Variants in CELF2 observed in about 807,000 individuals in gnomAD.
The protein encoded by CELF2 is CUGBP Elav-like family member 2.
In CELF2, 8 loss-of-function variants were observed where a neutral mutation model predicts 62.6. The ratio of observed to expected loss-of-function variants is 0.13; its 90% CI spans 0.07 to 0.23. CELF2 has a LOEUF of 0.23. Ranked by LOEUF, CELF2 falls within the 10% of genes least tolerant of loss-of-function variation. The pLI is 1.00. For missense variants in CELF2, 333 were observed against 671.0 expected, an observed-to-expected ratio of 0.50 and a Z score of 5.56; for synonymous variants, 258 against 250.0, an observed-to-expected ratio of 1.03 and a Z score of -0.30.
intron 12 of CELF2, 118 bp downstream of exon 12, chr10:11,326,097 C>A: frequency 9.8e-7 from 1 of 1,017,968 alleles, no homozygotes; most frequent in Non-Finnish European, 1.4e-6. Context: ...GTGTTGGGCT[C>A]TGATTTTCTG....
chr10:10,659,158 T>G, the CELF2 span, among the ~76,000 whole-genome samples: 1 of 152,290 alleles, frequency 6.6e-6, no homozygotes, highest in South Asian at 2.1e-4. Flanking sequence ...CTGATAATAG[T>G]GGTTTTTGCT....
chr10:10,694,265 G>A, the CELF2 span, among the ~76,000 whole-genome samples: 16 of 151,818 alleles, frequency 1.1e-4, no homozygotes, highest in South Asian at 4.2e-4. Flanking sequence ...TCATTTCGTT[G>A]TGTACCCAGT....
chr10:11,161,084 T>C (rs1554886118), intron 1 of CELF2, among the ~76,000 whole-genome samples: 2 of 152,258 alleles, frequency 1.3e-5, no homozygotes, highest in Non-Finnish European at 2.9e-5. Flanking sequence ...ATTTTGCATA[T>C]ACTCTGTTGA....
At position 11,329,087 on chromosome 10, in the gene CELF2, G is replaced by C. The variant is rs2095909086; in HGVS notation, c.*34G>C. On this transcript the variant is annotated 3_prime_UTR_variant, in exon 13 of 13. Transcript: ENST00000633077. This position sits in a 1 kb window ranked among gnomAD's most constrained non-coding sequence, Gnocchi z 5.5. ...CCAGAGGCTCCCTGCTCTCATTTTA[G>C]CTTTCTTAGGGTAAGTCCCACGAGC... The C allele has an allele frequency of 1.3e-6, 2 of 1,587,976 alleles. No individual in the cohort carries two copies. The highest frequency in any genetic ancestry group is 2.7e-5 in the African/African-American group (2 of 74,214).
At chr10:10,532,279 A>C in the CELF2 span, among the ~76,000 whole-genome samples, 1 of 152,258 alleles carries the variant, frequency 6.6e-6, no homozygotes, top group Non-Finnish European at 1.5e-5. Context: ...ATTTAATTAA[A>C]ATTTAAGCCA....
At chr10:10,968,226 T>TG (rs928980069) in intron 2 of CELF2, among the ~76,000 whole-genome samples, 8 of 152,168 alleles carry the variant, frequency 5.3e-5, no homozygotes, top group Non-Finnish European at 1.0e-4. Flanking sequence ...TCTTTTTTTT[T>TG]GTTCATGATT....
chr10:11,068,761 C>T (rs958714856), intron 1 of CELF2, among the ~76,000 whole-genome samples: 1 of 152,046 alleles, frequency 6.6e-6, no homozygotes, highest in Admixed American at 6.5e-5. Flanking sequence ...GGGGTTTCAC[C>T]GTGTTAGCCA....
At chr10:10,942,525 T>C (rs1328054706) in intron 2 of CELF2, among the ~76,000 whole-genome samples, 5 of 152,210 alleles carry the variant, frequency 3.3e-5, no homozygotes, top group Non-Finnish European at 7.3e-5. Flanking sequence ...CTGGCTTCCA[T>C]TGTAAGAAAC....
In CELF2 at chr10:10,997,879, C is replaced by T. The variant is rs1453625517; in HGVS notation, c.89+77880C>T. On this transcript the variant is annotated intron_variant, in intron 2 of 13. Transcript: ENST00000636488. The surrounding 1 kb of genome is among the most constrained non-coding windows in gnomAD (Gnocchi z 5.3). ...TGCTTGATATGGTTTGGCTCTGTATCCCCACCCAAATCTCACCTTGAATTG... is the reference window on the plus strand; with the variant it reads ...TGCTTGATATGGTTTGGCTCTGTATTCCCACCCAAATCTCACCTTGAATTG... Among the ~76,000 whole-genome samples, 1 of 152,120 alleles carries T rather than the reference C, an allele frequency of 6.6e-6. No homozygotes were observed. The highest frequency in any genetic ancestry group is 1.5e-5 in the Non-Finnish European group (1 of 68,018).
At chr10:10,465,718 C>T in the CELF2 span, among the ~76,000 whole-genome samples, 63 of 152,242 alleles carry the variant, frequency 4.1e-4, 2 homozygotes, top group South Asian at 4.1e-3. Context: ...CCCCATCCAA[C>T]ACTATAATTC....
intron 3 of CELF2, among the ~76,000 whole-genome samples, chr10:11,235,030 G>A (rs1049386112): frequency 1.3e-5 from 2 of 152,084 alleles, no homozygotes; most frequent in Non-Finnish European, 2.9e-5. Flanking sequence ...AAGTTTTAAC[G>A]AGGTCAAGCA....
intron 1 of CELF2, among the ~76,000 whole-genome samples, chr10:10,810,559 A>G (rs1194126397): frequency 6.6e-6 from 1 of 152,070 alleles, no homozygotes; most frequent in Non-Finnish European, 1.5e-5. Flanking sequence ...ATGGGAAGGG[A>G]AGGGTCCAGC....
the CELF2 span, among the ~76,000 whole-genome samples, chr10:10,491,466 T>A: frequency 6.6e-6 from 1 of 152,166 alleles, no homozygotes; most frequent in Non-Finnish European, 1.5e-5. Flanking sequence ...TTCTAATTGT[T>A]CTTACAAACA....
intron 1 of CELF2, among the ~76,000 whole-genome samples, chr10:11,078,184 TA>T (rs60749613): frequency 0.88 from 131,552 of 150,054 alleles, 57,839 homozygotes; most frequent in East Asian, 0.99. Flanking sequence ...AGTCTATTTA[TA>T]AAAAAAAAAA....
intron 1 of CELF2, among the ~76,000 whole-genome samples, chr10:11,040,676 C>T (rs1418873995): frequency 6.6e-6 from 1 of 152,168 alleles, no homozygotes; most frequent in Non-Finnish European, 1.5e-5. Context: ...GAAAACTCTG[C>T]ATCCTCAAAG....
chr10:10,959,291 A>T (rs1189297529), intron 2 of CELF2, among the ~76,000 whole-genome samples: 1 of 152,140 alleles, frequency 6.6e-6, no homozygotes, highest in Admixed American at 6.5e-5. Flanking sequence ...AGAGAAAAAT[A>T]AAAAAGTCTT....
chr10:10,746,604 T>TCC, the CELF2 span, among the ~76,000 whole-genome samples: 1 of 152,212 alleles, frequency 6.6e-6, no homozygotes, highest in Non-Finnish European at 1.5e-5. Context: ...CCTTCTGACC[T>TCC]CCCTCTGCTT....
chr10:11,258,018 AC>A, intron 5 of CELF2, 146 bp downstream of exon 5: 2 of 889,500 alleles, frequency 2.2e-6, no homozygotes, highest in Non-Finnish European at 3.3e-6. Flanking sequence ...TGAACTTTTC[AC>A]CATAGCTGAA....
At chr10:11,055,666 G>C (rs2065073834) in intron 1 of CELF2, among the ~76,000 whole-genome samples, 1 of 152,326 alleles carries the variant, frequency 6.6e-6, no homozygotes, top group South Asian at 2.1e-4. Flanking sequence ...GCTAAATGTG[G>C]CCTAATTTTG....
Sources: gnomAD v4.1 joint callset for allele counts (sites outside exome capture counted in the v4.1 genomes callset) on GRCh38, gnomAD v4.1.1 for gene constraint, Gnocchi (gnomAD v3.1) non-coding constraint, MANE v1.5 for transcripts, NCBI Gene and HGNC (gene_info 2026-07-23, HGNC 2026-07-21) for gene names.